Variants in GABBR2 observed in about 807,000 individuals in gnomAD.
GABBR2 encodes gamma-aminobutyric acid type B receptor subunit 2, also known as G-protein coupled receptor 51.
A neutral mutation model predicts 105.6 loss-of-function variants in GABBR2; 23 were observed. The observed-to-expected ratio is 0.22, with a 90% CI of 0.16 to 0.31. The LOEUF (loss-of-function observed/expected upper bound fraction) is 0.31. Among genes scored for constraint, GABBR2 ranks in the 10% least tolerant of loss-of-function variants. The pLI is 1.00. For synonymous variants in GABBR2, 478 were observed against 499.7 expected, an observed-to-expected ratio of 0.96 and a Z score of 0.58; for missense variants, 734 against 1,245.5, an observed-to-expected ratio of 0.59 and a Z score of 6.18.
At chr9:98,311,843 C>T (rs955964197) in intron 13 of GABBR2, among the ~76,000 whole-genome samples, 33 of 152,338 alleles carry the variant, frequency 2.2e-4, no homozygotes, top group African/African-American at 7.7e-4. Flanking sequence ...CTACAAAGTG[C>T]TCTGCCTAAT....
At chr9:98,548,551 C>T (rs1368584628) in intron 2 of GABBR2, among the ~76,000 whole-genome samples, 1 of 115,518 alleles carries the variant, frequency 8.7e-6, no homozygotes, top group Non-Finnish European at 1.9e-5. Context: ...GGTTTTTTTT[C>T]CCCCTAGGAA....
At chr9:98,479,581 A>G (rs1018366007) in intron 5 of GABBR2, among the ~76,000 whole-genome samples, 6 of 152,242 alleles carry the variant, frequency 3.9e-5, no homozygotes, top group African/African-American at 1.4e-4. Context: ...CTGAGCCTTC[A>G]GGTTCAAATA....
At chr9:98,483,936 C>A (rs933584412) in intron 4 of GABBR2, among the ~76,000 whole-genome samples, 1 of 152,180 alleles carries the variant, frequency 6.6e-6, no homozygotes, top group African/African-American at 2.4e-5. Context: ...CAGAACAGGG[C>A]GCTACACATA....
intron 3 of GABBR2, among the ~76,000 whole-genome samples, chr9:98,507,749 T>C (rs946207161): frequency 1.3e-4 from 20 of 152,268 alleles, no homozygotes; most frequent in Middle Eastern, 3.4e-3. Context: ...GGGCTCAAGA[T>C]CCCTCTTCTC....
chr9:98,496,817 A>T (rs919405926), intron 3 of GABBR2, among the ~76,000 whole-genome samples: 1 of 152,170 alleles, frequency 6.6e-6, no homozygotes, highest in African/African-American at 2.4e-5. Context: ...TCTCCACCAC[A>T]TCACACTGTC....
intron 1 of GABBR2, among the ~76,000 whole-genome samples, chr9:98,665,136 G>A (rs1368867448): frequency 2.0e-5 from 3 of 151,796 alleles, no homozygotes; most frequent in African/African-American, 7.3e-5. Flanking sequence ...CAGTGTGGTG[G>A]CATGCACCTG....
intron 6 of GABBR2, among the ~76,000 whole-genome samples, chr9:98,470,410 C>A (rs1176102996): frequency 6.6e-6 from 1 of 152,126 alleles, no homozygotes; most frequent in Non-Finnish European, 1.5e-5. Context: ...GAGAGCCAAG[C>A]AAAATGAATT....
intron 7 of GABBR2, among the ~76,000 whole-genome samples, chr9:98,415,932 T>C (rs2131546794): frequency 6.6e-6 from 1 of 152,256 alleles, no homozygotes; most frequent in African/African-American, 2.4e-5. Context: ...CTGGAGTAAG[T>C]ACCACGTGAC....
At chr9:98,312,055 A>G (rs1361824383) in intron 13 of GABBR2, among the ~76,000 whole-genome samples, 1 of 152,248 alleles carries the variant, frequency 6.6e-6, no homozygotes, top group African/African-American at 2.4e-5. Context: ...ACCCCTGAAT[A>G]TCCTAGCATA....
chr9:98,397,381 G>A (rs1434162942), intron 8 of GABBR2, among the ~76,000 whole-genome samples: 6 of 151,912 alleles, frequency 3.9e-5, no homozygotes, highest in Non-Finnish European at 8.8e-5. Flanking sequence ...TACGTGCCAG[G>A]CTCTGGGCTA....
At chr9:98,650,987 G>T (rs1036202520) in intron 1 of GABBR2, among the ~76,000 whole-genome samples, 3 of 152,220 alleles carry the variant, frequency 2.0e-5, no homozygotes, top group Non-Finnish European at 2.9e-5. Flanking sequence ...TTATTGAGTA[G>T]TGATGGTGAT....
chr9:98,371,639 C>T, intron 11 of GABBR2, 68 bp from the exon 12 acceptor site: 1 of 843,010 alleles, frequency 1.2e-6, no homozygotes, highest in Non-Finnish European at 2.1e-6. Flanking sequence ...GGTATGAGTC[C>T]ACCCTGCAAG....
chr9:98,540,254 C>G (rs919884367), intron 3 of GABBR2, among the ~76,000 whole-genome samples: 9 of 152,198 alleles, frequency 5.9e-5, no homozygotes, highest in African/African-American at 2.2e-4. Flanking sequence ...TGGGGCCAAA[C>G]ACTTCCACTT....
intron 1 of GABBR2, among the ~76,000 whole-genome samples, chr9:98,682,230 G>GAA (rs376707014): frequency 2.1e-5 from 2 of 96,678 alleles, no homozygotes; most frequent in African/African-American, 7.7e-5. Flanking sequence ...CTTCATCTCA[G>GAA]AAAAAAAAAA....
At position 98,295,550 on chromosome 9, in the gene GABBR2, G is replaced by A. The variant is rs1053456339; in HGVS notation, c.2543-1648C>T. 4.6e-5 allele frequency among the ~76,000 whole-genome samples: 7 copies of A among 151,436 alleles called. No individual in the cohort carries two copies. The Middle Eastern group carries it at 0.01, about 221-fold the overall frequency. On this transcript the variant is annotated intron_variant, in intron 17 of 18. Transcript: ENST00000259455. Reference sequence around the variant, plus strand: ...AATGAGATGTCTTTTTTTTTGAGACGGAGTCTCACTCTGTCTCCAGGAGGA... The same window carrying A: ...AATGAGATGTCTTTTTTTTTGAGACAGAGTCTCACTCTGTCTCCAGGAGGA...
At chr9:98,614,053 A>AT (rs1249678844) in intron 1 of GABBR2, among the ~76,000 whole-genome samples, 2 of 152,364 alleles carry the variant, frequency 1.3e-5, no homozygotes, top group Non-Finnish European at 2.9e-5. Context: ...ATGATATTGA[A>AT]TAGCAATAGA....
At chr9:98,571,528 T>C (rs1828829107) in intron 2 of GABBR2, among the ~76,000 whole-genome samples, 1 of 152,142 alleles carries the variant, frequency 6.6e-6, no homozygotes, top group African/African-American at 2.4e-5. Context: ...CTGAAATGGC[T>C]GTGGTTTTGA....
At chr9:98,543,031 ATGTG>A (rs1311417826) in intron 2 of GABBR2, among the ~76,000 whole-genome samples, 2 of 152,192 alleles carry the variant, frequency 1.3e-5, no homozygotes, top group African/African-American at 4.8e-5. Context: ...TTTACATTTT[ATGTG>A]TGTGTATTTT....
chr9:98,566,735 G>T (rs1828756150), intron 2 of GABBR2, among the ~76,000 whole-genome samples: 1 of 144,322 alleles, frequency 6.9e-6, no homozygotes, highest in Admixed American at 7.3e-5. Context: ...AGTCCCAGCT[G>T]CTCAGGGAGG....
Sources: allele counts gnomAD v4.1 joint callset (sites outside exome capture counted in the v4.1 genomes callset), GRCh38; gene constraint gnomAD v4.1.1; transcripts MANE v1.5; gene names NCBI Gene and HGNC (gene_info 2026-07-23, HGNC 2026-07-21).